HDAC9: variants seen among roughly 807,000 people sequenced by gnomAD.
The protein encoded by HDAC9 is histone deacetylase 9.
HDAC9 carries 41 observed loss-of-function variants against 139.4 expected under a neutral mutation model. That is an observed-to-expected ratio of 0.29 (90% confidence interval 0.23 to 0.38). The LOEUF (loss-of-function observed/expected upper bound fraction) is 0.38, where lower values mean the gene tolerates loss of function less well. HDAC9 is among the 10% of genes least tolerant of loss of function. HDAC9 has a pLI of 1.00. For missense variants in HDAC9, 1,147 were observed against 1,297.0 expected, an observed-to-expected ratio of 0.88 and a Z score of 1.78; for synonymous variants, 517 against 476.2, an observed-to-expected ratio of 1.09 and a Z score of -1.12.
rs563207996 is a variant in HDAC9 at position 18,128,848 on chromosome 7, C to G, written c.-96-33381C>G. 2.6e-5 allele frequency among the ~76,000 whole-genome samples: 4 copies of G among 152,114 alleles called. No individual in the cohort carries two copies. In the South Asian group the frequency reaches 6.2e-4, roughly 24 times the overall value. The stretch of plus-strand genomic sequence containing the variant: ...TTGTCTTCCTTCCCTCTCTTCCTGT[C>G]TCTCTTTTTTTCTCCCTCCCTCTCT... On this transcript the variant is annotated intron_variant, in intron 1 of 12. Transcript: ENST00000417496.
At chr7:18,511,200 C>G (rs890457945) in intron 2 of HDAC9, among the ~76,000 whole-genome samples, 1 of 152,078 alleles carries the variant, frequency 6.6e-6, no homozygotes, top group Non-Finnish European at 1.5e-5. Flanking sequence ...CTTAACCTAA[C>G]TTTTATATTG....
At chr7:18,313,072 C>G (rs1021076485) in intron 1 of HDAC9, among the ~76,000 whole-genome samples, 1 of 152,096 alleles carries the variant, frequency 6.6e-6, no homozygotes, top group African/African-American at 2.4e-5. Context: ...TTCCTTTGTC[C>G]TATCCTTTCA....
At chr7:18,611,099 G>A (rs1837003076) in intron 6 of HDAC9, among the ~76,000 whole-genome samples, 1 of 152,102 alleles carries the variant, frequency 6.6e-6, no homozygotes. Context: ...CCAGAGAAAT[G>A]CATTGAGACC....
intron 22 of HDAC9, among the ~76,000 whole-genome samples, chr7:18,901,028 C>T (rs62448103): frequency 0.01 from 1,570 of 152,092 alleles, 9 homozygotes; most frequent in Middle Eastern, 0.034. Context: ...CTGGCACAAT[C>T]AAGTGAATTT....
At chr7:18,756,218 G>A (rs28651961) in intron 14 of HDAC9, among the ~76,000 whole-genome samples, 5,411 of 152,200 alleles carry the variant, frequency 0.036, 303 homozygotes, top group African/African-American at 0.12. Context: ...TAATCTTAAC[G>A]AGATAGAGAC....
chr7:18,762,190 A>G lies in HDAC9; in HGVS notation c.2077A>G (p.Ile693Val). ...IQGRKASLEE[I>V]QLVHSEHHSL... ...AGGTCGAAAAGCCAGCCTGGAGGAA[A>G]TACAGCTTGTTCATTCTGAACATCA... is the stretch of plus-strand genomic sequence containing the variant. The change falls in exon 15 of 26, where the codon ATA (isoleucine) becomes GTA (valine). Residue 693 changes from isoleucine to valine, a missense_variant. Transcript: ENST00000686413. The G allele has an allele frequency of 3.1e-6, 5 of 1,613,656 alleles. No individual in the cohort carries two copies. The highest frequency in any genetic ancestry group is 4.2e-6 in the Non-Finnish European group (5 of 1,179,720).
chr7:18,823,499 T>A (rs1795141464), intron 17 of HDAC9, among the ~76,000 whole-genome samples: 1 of 152,156 alleles, frequency 6.6e-6, no homozygotes, highest in Non-Finnish European at 1.5e-5. Flanking sequence ...GATGGCAATT[T>A]TACCATGGGA....
At chr7:18,440,306 T>C (rs1383205474) in intron 1 of HDAC9, among the ~76,000 whole-genome samples, 1 of 151,208 alleles carries the variant, frequency 6.6e-6, no homozygotes, top group East Asian at 2.0e-4. Flanking sequence ...TGCCTCAGCC[T>C]CCCGAGTACC....
chr7:18,400,342 C>T (rs555328566), intron 1 of HDAC9, among the ~76,000 whole-genome samples: 1 of 152,260 alleles, frequency 6.6e-6, no homozygotes, highest in African/African-American at 2.4e-5. Context: ...TGCTGTTCAA[C>T]AGCTGTATCA....
Position 18,908,239 on chromosome 7 carries a change from T to TA in HDAC9, c.2804-27562dup, listed in dbSNP as rs554234585. On this transcript the variant is annotated intron_variant, in intron 22 of 25. Coordinates refer to ENST00000686413, the MANE Select transcript of HDAC9 (RefSeq NM_178425.4). ...TAATTTTTTTATTCTTTGTACTCTT[T>TA]AAAAAAAATTTTAATTGACACATAA... 2.9e-3 allele frequency among the ~76,000 whole-genome samples: 442 copies of TA among 152,040 alleles called. 5 individuals carry two copies. Among genetic ancestry groups the TA allele is most frequent in the African/African-American group, 0.01 (427 of 41,492 alleles).
At chr7:18,680,034 A>G (rs968715452) in intron 12 of HDAC9, among the ~76,000 whole-genome samples, 1 of 151,966 alleles carries the variant, frequency 6.6e-6, no homozygotes, top group African/African-American at 2.4e-5. Context: ...GGCATAGTTC[A>G]TGTTCTTTGC....
intron 2 of HDAC9, among the ~76,000 whole-genome samples, chr7:18,174,233 A>G (rs970307310): frequency 9.9e-5 from 15 of 152,050 alleles, no homozygotes; most frequent in African/African-American, 3.4e-4. Flanking sequence ...CTTCCACTTG[A>G]TCGAATCGGC....
chr7:18,626,389 C>G (rs924921171), intron 6 of HDAC9, among the ~76,000 whole-genome samples: 1 of 152,140 alleles, frequency 6.6e-6, no homozygotes, highest in African/African-American at 2.4e-5. Context: ...TGTTGCAGCT[C>G]CAGGATTCAG....
At chr7:18,969,853 G>T (rs1336213820) in intron 24 of HDAC9, among the ~76,000 whole-genome samples, 3 of 152,144 alleles carry the variant, frequency 2.0e-5, no homozygotes, top group Admixed American at 6.5e-5. Flanking sequence ...TAACTTATTT[G>T]TGTTACATAA....
At chr7:18,773,800 G>T (rs1375571905) in intron 16 of HDAC9, among the ~76,000 whole-genome samples, 2 of 151,926 alleles carry the variant, frequency 1.3e-5, no homozygotes, top group Non-Finnish European at 2.9e-5. Flanking sequence ...TGAAGTAACA[G>T]CATTTGTATT....
At position 18,175,915 on chromosome 7, in the gene HDAC9, A is replaced by C. The variant is rs562832788; in HGVS notation, c.25+13566A>C. 3.9e-5 allele frequency among the ~76,000 whole-genome samples: 6 copies of C among 151,962 alleles called. No homozygotes were observed. In the South Asian group the frequency reaches 1.2e-3, roughly 32 times the overall value. Reference sequence around the variant, plus strand: ...TAATGTCCAAGAAAATGTTCTCTTCATACCAGTAATGTAGTTCCACTGGAA... The same window carrying C: ...TAATGTCCAAGAAAATGTTCTCTTCCTACCAGTAATGTAGTTCCACTGGAA... On this transcript the variant is annotated intron_variant, in intron 2 of 12. Coordinates refer to the HDAC9 transcript ENST00000417496.
intron 1 of HDAC9, among the ~76,000 whole-genome samples, chr7:18,381,966 G>T (rs1314469900): frequency 6.6e-6 from 1 of 152,114 alleles, no homozygotes; most frequent in African/African-American, 2.4e-5. Flanking sequence ...AAATGTGTGT[G>T]TGAGTAACAT....
At chr7:18,650,844 C>G (rs546307601) in intron 11 of HDAC9, among the ~76,000 whole-genome samples, 14 of 152,150 alleles carry the variant, frequency 9.2e-5, no homozygotes, top group Non-Finnish European at 1.5e-4. Context: ...GTTAACCTCT[C>G]TCAGCTTGGG....
intron 1 of HDAC9, among the ~76,000 whole-genome samples, chr7:18,481,901 T>C (rs1461235925): frequency 1.3e-5 from 2 of 152,184 alleles, no homozygotes; most frequent in Non-Finnish European, 2.9e-5. Context: ...TGGTTGTTAC[T>C]TCCTCATGTC....
Sources: allele counts gnomAD v4.1 joint callset (sites outside exome capture counted in the v4.1 genomes callset), GRCh38; gene constraint gnomAD v4.1.1; transcripts MANE v1.5; gene names NCBI Gene and HGNC (gene_info 2026-07-23, HGNC 2026-07-21).